Variants in SEMA3D observed in about 807,000 individuals in gnomAD.
SEMA3D encodes the protein semaphorin-3D.
SEMA3D carries 84 observed loss-of-function variants against 100.1 expected under a neutral mutation model. The ratio of observed to expected loss-of-function variants is 0.84; its 90% CI spans 0.70 to 1.01. The LOEUF (loss-of-function observed/expected upper bound fraction) is 1.01. Among genes scored for constraint, SEMA3D ranks in the 50% least tolerant of loss-of-function variants. SEMA3D has a pLI of 0.00. For missense variants in SEMA3D, 875 were observed against 934.1 expected, an observed-to-expected ratio of 0.94 and a Z score of 0.82; for synonymous variants, 312 against 320.7, an observed-to-expected ratio of 0.97 and a Z score of 0.29.
intron 1 of SEMA3D, among the ~76,000 whole-genome samples, chr7:85,165,160 ACATGTGTAACGAACCTG>A (rs1790867083): frequency 6.6e-6 from 1 of 152,022 alleles, no homozygotes; most frequent in South Asian, 2.1e-4. Flanking sequence ...GCACATGTAT[ACATGTGTAACGAACCTG>A]CACGTTGTGC....
chr7:85,136,405 A>G (rs1307312601), intron 2 of SEMA3D, among the ~76,000 whole-genome samples: 1 of 152,132 alleles, frequency 6.6e-6, no homozygotes, highest in Non-Finnish European at 1.5e-5. Flanking sequence ...AAGCATCAGC[A>G]TTAAGTATAC....
chr7:84,999,667 T>C lies in SEMA3D; in HGVS notation c.2107A>G (p.Lys703Glu). 2 of 1,614,008 alleles carry C rather than the reference T, an allele frequency of 1.2e-6. No homozygotes were observed. Among genetic ancestry groups the C allele is most frequent in the Non-Finnish European group, 1.7e-6 (2 of 1,179,930 alleles). ...AACCGTGACTCAGCCAATAGATCCT[T>C]GACCTTCCCCTCCTCATGCTCTGCC... ...QRAEHEEGKV[K>E]DLLAESRLRY... Residue 703 changes from lysine (K) to glutamate (E), a missense_variant, in exon 19 of 19, where the codon AAG becomes GAG. Transcript: ENST00000284136.
chr7:85,038,034 C>A, intron 11 of SEMA3D, among the ~76,000 whole-genome samples: 1 of 33,002 alleles, frequency 3.0e-5, no homozygotes, highest in African/African-American at 1.3e-4. Context: ...CATCACACAC[C>A]GGGGCCTGTT....
intron 9 of SEMA3D, among the ~76,000 whole-genome samples, chr7:85,052,055 C>A (rs1791180603): frequency 6.6e-6 from 1 of 151,760 alleles, no homozygotes; most frequent in Non-Finnish European, 1.5e-5. Context: ...ACCAGGCAAA[C>A]AATAAAAGAG....
At chr7:85,159,313 C>T (rs1407854042) in intron 1 of SEMA3D, among the ~76,000 whole-genome samples, 1 of 152,126 alleles carries the variant, frequency 6.6e-6, no homozygotes, top group Non-Finnish European at 1.5e-5. Flanking sequence ...CATGAAAACA[C>T]TCCAGGTGGT....
In SEMA3D at chr7:85,052,133, CTCTT is replaced by C. The variant is rs556787671; in HGVS notation, c.861+3580_861+3583del. ...TACATATACTTTCTATCTGAACTAT[CTCTT>C]GAACTTACTCTTAGTGCTTATCTCT... is the stretch of plus-strand genomic sequence containing the variant. On this transcript the variant is annotated intron_variant, in intron 9 of 18. Transcript: ENST00000284136. 2.2e-4 allele frequency among the ~76,000 whole-genome samples: 34 copies of C among 152,034 alleles called. No homozygotes were observed. In the South Asian group the frequency reaches 2.5e-3, roughly 11 times the overall value.
chr7:85,162,882 C>T (rs1333438941), intron 1 of SEMA3D, among the ~76,000 whole-genome samples: 1 of 152,030 alleles, frequency 6.6e-6, no homozygotes, highest in African/African-American at 2.4e-5. Context: ...TTGGAACTGA[C>T]TGAAAGGAAA....
chr7:85,024,921 G>A (rs1790351902), intron 12 of SEMA3D, among the ~76,000 whole-genome samples: 1 of 152,034 alleles, frequency 6.6e-6, no homozygotes, highest in Non-Finnish European at 1.5e-5. Context: ...ATGTAGGTAA[G>A]AGTAAAGTAG....
intron 12 of SEMA3D, among the ~76,000 whole-genome samples, chr7:85,031,700 T>C (rs142110156): frequency 1.3e-5 from 2 of 151,894 alleles, no homozygotes; most frequent in Non-Finnish European, 2.9e-5. Flanking sequence ...TCTATAAAAT[T>C]GGGATAATAA....
At chr7:85,136,133 T>G (rs1186831073) in intron 2 of SEMA3D, among the ~76,000 whole-genome samples, 1 of 152,124 alleles carries the variant, frequency 6.6e-6, no homozygotes, top group East Asian at 1.9e-4. Context: ...TAAGAAAGAA[T>G]GTAGAGTTCA....
intron 1 of SEMA3D, among the ~76,000 whole-genome samples, chr7:85,181,319 AACACACACAC>A (rs3076567): frequency 0.012 from 1,115 of 93,658 alleles, 14 homozygotes; most frequent in African/African-American, 0.05. Context: ...ACATGCTCAC[AACACACACAC>A]ACACACACAC....
At chr7:85,171,842 C>G (rs1791091156) in intron 1 of SEMA3D, among the ~76,000 whole-genome samples, 1 of 151,762 alleles carries the variant, frequency 6.6e-6, no homozygotes, top group African/African-American at 2.4e-5. Context: ...TTTGAATTGA[C>G]TTGACTCAGT....
upstream of SEMA3D, among the ~76,000 whole-genome samples, chr7:85,191,073 C>T (rs1791684576): frequency 6.6e-6 from 1 of 152,030 alleles, no homozygotes; most frequent in Non-Finnish European, 1.5e-5. Context: ...GCTATATTTA[C>T]TTAGCTGGGT....
intron 6 of SEMA3D, among the ~76,000 whole-genome samples, chr7:85,069,249 G>T (rs4728569): frequency 6.6e-6 from 1 of 152,088 alleles, no homozygotes; most frequent in African/African-American, 2.4e-5. Context: ...AAGGGACAGA[G>T]AAAATTATGT....
chr7:85,227,772 T>C, the SEMA3D span, among the ~76,000 whole-genome samples: 1 of 152,144 alleles, frequency 6.6e-6, no homozygotes, highest in Non-Finnish European at 1.5e-5. Context: ...TTCTGTGTAC[T>C]ATTTCATTTT....
chr7:85,219,041 T>C, the SEMA3D span, among the ~76,000 whole-genome samples: 6 of 152,136 alleles, frequency 3.9e-5, no homozygotes, highest in African/African-American at 1.4e-4. Context: ...TTAACCATGA[T>C]TAGTTGTAGA....
At chr7:85,193,887 A>AT in the SEMA3D span, among the ~76,000 whole-genome samples, 13 of 152,096 alleles carry the variant, frequency 8.5e-5, no homozygotes, top group African/African-American at 3.1e-4. Context: ...AAAAAAAAAA[A>AT]ACGCAGTTTA....
chr7:85,225,110 ACAT>A, the SEMA3D span, among the ~76,000 whole-genome samples: 1 of 19,380 alleles, frequency 5.2e-5, no homozygotes, highest in African/African-American at 4.3e-4. Flanking sequence ...ATATATACAT[ACAT>A]ATATACATAT....
At chr7:85,044,447 T>C (rs1790950586) in intron 9 of SEMA3D, among the ~76,000 whole-genome samples, 1 of 152,170 alleles carries the variant, frequency 6.6e-6, no homozygotes, top group African/African-American at 2.4e-5. Flanking sequence ...ATTATTATTT[T>C]CTTTATTTGT....
Sources: gnomAD v4.1 joint callset for allele counts (sites outside exome capture counted in the v4.1 genomes callset) on GRCh38, gnomAD v4.1.1 for gene constraint, MANE v1.5 for transcripts, NCBI Gene and HGNC (gene_info 2026-07-23, HGNC 2026-07-21) for gene names.